Variants in RELN observed in about 807,000 individuals in gnomAD.
The protein encoded by RELN is reelin.
A neutral mutation model predicts 427.6 loss-of-function variants in RELN; 108 were observed. The observed-to-expected ratio is 0.25, with a 90% CI of 0.22 to 0.30. The LOEUF is 0.30. Among genes scored for constraint, RELN ranks in the 10% least tolerant of loss-of-function variants. The probability of loss-of-function intolerance (pLI) is 1.00; values close to 1 mark genes in which losing one functional copy is unlikely to be tolerated. For missense variants in RELN, 3,715 were observed against 4,302.8 expected, an observed-to-expected ratio of 0.86 and a Z score of 3.82; for synonymous variants, 1,524 against 1,513.4, an observed-to-expected ratio of 1.01 and a Z score of -0.16.
At chr7:103,485,776 C>T (rs915958719) in intron 61 of RELN, among the ~76,000 whole-genome samples, 11 of 152,150 alleles carry the variant, frequency 7.2e-5, no homozygotes, top group African/African-American at 2.7e-4. Context: ...ATCCATCCTC[C>T]ATTTCTATTT....
intron 61 of RELN, 93 bp from the exon 62 acceptor site, chr7:103,483,943 G>T (rs1828334290): frequency 7.9e-7 from 1 of 1,261,412 alleles, no homozygotes; most frequent in Non-Finnish European, 1.1e-6. Flanking sequence ...ACAGTGGTGT[G>T]ATCTCGGCTC....
Position 103,615,725 on chromosome 7 carries a change from C to T in RELN, c.2703-3922G>A, listed in dbSNP as rs189931191. 9.3e-4 allele frequency among the ~76,000 whole-genome samples: 142 copies of T among 152,212 alleles called. 2 individuals are homozygous for T. Among genetic ancestry groups the T allele is most frequent in the African/African-American group, 3.2e-3 (132 of 41,538 alleles). On this transcript the variant is annotated intron_variant, in intron 20 of 64. Transcript: ENST00000428762. ...TCCTTTGAAGTCCTTTCTACTATGT[C>T]CTGTGTATCAAAGGCTCCCAAAGAA...
chr7:103,596,584 G>C lies in RELN; in HGVS notation c.3411C>G (p.Gly1137=). 2.5e-6 allele frequency: 4 copies of C among 1,613,970 alleles called. No individual in the cohort carries two copies. The highest frequency in any genetic ancestry group is 3.4e-6 in the Non-Finnish European group (4 of 1,179,918). The part of the protein sequence containing the change: ...VDFVQFYIQI[G]GESASCNKPD... ...GCTTGTTGCATGAAGCACTCTCTCC[G>C]CCTATCTGGATGTAGAACTGGACAA... Residue 1137 remains glycine, a synonymous_variant, in exon 25 of 65, where the codon GGC becomes GGG. Transcript: ENST00000428762.
intron 6 of RELN, among the ~76,000 whole-genome samples, chr7:103,739,805 T>G (rs906364119): frequency 6.6e-6 from 1 of 152,300 alleles, no homozygotes; most frequent in Admixed American, 6.5e-5. Context: ...AAGGAATCTA[T>G]GCTCTGCATA....
chr7:103,689,354 C>A (rs562007242), intron 10 of RELN, among the ~76,000 whole-genome samples: 1 of 152,170 alleles, frequency 6.6e-6, no homozygotes, highest in South Asian at 2.1e-4. Context: ...TAGTGATCTG[C>A]GTTTAATCTG....
chr7:103,680,086 T>C (rs538297370), intron 11 of RELN, among the ~76,000 whole-genome samples: 3 of 152,072 alleles, frequency 2.0e-5, no homozygotes, highest in African/African-American at 7.2e-5. Context: ...ATGAAGGCCA[T>C]AGGTAAAAAT....
chr7:103,649,898 A>G (rs1832877658), intron 16 of RELN, among the ~76,000 whole-genome samples: 1 of 151,998 alleles, frequency 6.6e-6, no homozygotes. Context: ...GTAGTTACTA[A>G]GAGAAGAATG....
intron 2 of RELN, among the ~76,000 whole-genome samples, chr7:103,892,103 T>C (rs1411666079): frequency 4.6e-5 from 7 of 152,220 alleles, no homozygotes; most frequent in Non-Finnish European, 8.8e-5. Context: ...TTCACTCATA[T>C]TCCAAATGAT....
chr7:103,566,142 T>C, intron 33 of RELN, 82 bp downstream of exon 33: 2 of 1,265,230 alleles, frequency 1.6e-6, no homozygotes, highest in Non-Finnish European at 2.3e-6. Context: ...GGTTTTGCAT[T>C]AGAAAGTTTT....
At chr7:103,647,330 C>T (rs1832818146) in intron 16 of RELN, among the ~76,000 whole-genome samples, 1 of 151,976 alleles carries the variant, frequency 6.6e-6, no homozygotes. Context: ...CTCTCAAAGA[C>T]TCCTAGATTT....
intron 20 of RELN, among the ~76,000 whole-genome samples, chr7:103,612,573 C>T (rs1045687151): frequency 6.6e-6 from 1 of 152,066 alleles, no homozygotes; most frequent in East Asian, 1.9e-4. Context: ...CCGCGCCCAG[C>T]CTGAAATAAG....
chr7:103,778,480 A>T (rs1791802296), intron 3 of RELN, among the ~76,000 whole-genome samples: 1 of 152,160 alleles, frequency 6.6e-6, no homozygotes, highest in African/African-American at 2.4e-5. Context: ...AATATTTCTT[A>T]TTGGTCCACA....
intron 51 of RELN, among the ~76,000 whole-genome samples, chr7:103,509,840 A>G (rs1829342023): frequency 6.6e-6 from 1 of 152,236 alleles, no homozygotes; most frequent in African/African-American, 2.4e-5. Context: ...GGATATGAAC[A>G]GACACTTCTC....
chr7:103,946,904 C>T (rs1489578338), intron 1 of RELN, among the ~76,000 whole-genome samples: 1 of 152,130 alleles, frequency 6.6e-6, no homozygotes, highest in African/African-American at 2.4e-5. Flanking sequence ...TACTAAAAAT[C>T]TGGTTTTCAT....
Position 103,495,175 on chromosome 7 carries a change from C to CTTT in RELN, c.9369+545_9369+547dup, listed in dbSNP as rs68172294. Among the ~76,000 whole-genome samples the CTTT allele has an allele frequency of 1.7e-3, 215 of 125,348 alleles. 3 individuals are homozygous for CTTT. Among genetic ancestry groups the CTTT allele is most frequent in the South Asian group, 0.01 (40 of 3,904 alleles). 82.2% of individuals were successfully genotyped at this position (125,348 alleles called of 152,430 possible). A position where few individuals can be genotyped will look rare whatever the true frequency, so the allele number is the denominator to read the frequency against. On this transcript the variant is annotated intron_variant, in intron 57 of 64. Coordinates refer to ENST00000428762, the MANE Select transcript of RELN (RefSeq NM_005045.4). ...AAAGAATTGGCATTAAAAGTAATTC[C>CTTT]TTTTTTTTTTTTTTTTTTTTGAGAC...
intron 52 of RELN, among the ~76,000 whole-genome samples, chr7:103,501,357 C>T (rs186762664): frequency 5.3e-5 from 8 of 152,228 alleles, no homozygotes; most frequent in African/African-American, 9.6e-5. Context: ...AGCCCTCAGG[C>T]GGTCGGGAGG....
At chr7:103,782,838 T>C (rs750516895) in intron 3 of RELN, among the ~76,000 whole-genome samples, 1 of 152,206 alleles carries the variant, frequency 6.6e-6, no homozygotes. Flanking sequence ...GGTTCATTTT[T>C]AAACCTATGA....
chr7:103,561,955 T>TA lies in RELN; in HGVS notation c.5211-3dup, dbSNP rs1830652434. 1 of 903,510 alleles carries TA rather than the reference T, an allele frequency of 1.1e-6. No homozygotes were observed. Among genetic ancestry groups the TA allele is most frequent in the Admixed American group, 4.2e-5 (1 of 23,842 alleles). The allele number at this position is 903,510 out of a possible 1,614,324, so 56.0% of individuals were successfully genotyped here. A position where few individuals can be genotyped will look rare whatever the true frequency, so the allele number is the denominator to read the frequency against. On this transcript the variant is annotated splice_region_variant and splice_polypyrimidine_tract_variant and intron_variant, in intron 34 of 64. Coordinates refer to ENST00000428762, the MANE Select transcript of RELN (RefSeq NM_005045.4). ...CATCTGAACCGGGTCCTGGGAGAAC[T>TA]AACCAAAAAAAAAAAAAAAAAAACA...
At chr7:103,906,814 T>C (rs938944395) in intron 2 of RELN, among the ~76,000 whole-genome samples, 3 of 152,318 alleles carry the variant, frequency 2.0e-5, no homozygotes, top group Admixed American at 2.0e-4. Context: ...AGGAGAAATA[T>C]GTCTTGATGT....
Sources: allele counts gnomAD v4.1 joint callset (sites outside exome capture counted in the v4.1 genomes callset), GRCh38; gene constraint gnomAD v4.1.1; transcripts MANE v1.5; gene names NCBI Gene and HGNC (gene_info 2026-07-23, HGNC 2026-07-21).